CRK: variants seen among roughly 807,000 people sequenced by gnomAD.
The protein encoded by CRK is CRK proto-oncogene, adaptor protein, also known as adapter molecule crk.
Under a neutral mutation model 29.8 loss-of-function variants are expected in CRK, and 4 were observed. That is an observed-to-expected ratio of 0.13 (90% CI 0.07 to 0.31). The LOEUF (loss-of-function observed/expected upper bound fraction) is 0.31, where lower values mean the gene tolerates loss of function less well. Among genes scored for constraint, CRK ranks in the 10% least tolerant of loss-of-function variants. The pLI is 1.00. For synonymous variants in CRK, 153 were observed against 164.9 expected (o/e 0.93, Z 0.55); for missense variants, 274 against 396.5 (o/e 0.69, Z 2.62).
rs943746895 is a variant in CRK at position 1,421,475 on chromosome 17, A to C, written c.*2038T>G. ...TGTAGTATTACAAATGTGTTCATTC[A>C]ACACTAATGAGCACCCACTCTGTGC... On this transcript the variant is annotated 3_prime_UTR_variant, in exon 3 of 3. Coordinates refer to ENST00000300574, the MANE Select transcript of CRK (RefSeq NM_016823.4). 4.6e-5 allele frequency: 7 copies of C among 152,374 alleles called. No individual in the cohort carries two copies. In the South Asian group the frequency reaches 1.4e-3, roughly 32 times the overall value. 9.4% of individuals were successfully genotyped at this position (152,374 alleles called of 1,614,324 possible).
intron 2 of CRK, among the ~76,000 whole-genome samples, chr17:1,427,689 A>G (rs2073794560): frequency 6.7e-6 from 1 of 149,506 alleles, no homozygotes; most frequent in South Asian, 2.1e-4. Context: ...GAGTGCAGTG[A>G]CGCTATCTTG....
intron 1 of CRK, among the ~76,000 whole-genome samples, chr17:1,447,880 G>A (rs1369316708): frequency 2.6e-5 from 4 of 151,872 alleles, no homozygotes; most frequent in Non-Finnish European, 4.4e-5. Context: ...GCCTCCCAAA[G>A]TGCTGGGATT....
intron 2 of CRK, among the ~76,000 whole-genome samples, chr17:1,428,466 G>A (rs1340835387): frequency 3.4e-5 from 5 of 148,778 alleles, no homozygotes; most frequent in African/African-American, 7.4e-5. Context: ...TATGAGGCAA[G>A]ATGTTATTGG....
intron 2 of CRK, 134 bp downstream of exon 2, chr17:1,436,486 G>GC: frequency 2.2e-6 from 2 of 917,094 alleles, no homozygotes; most frequent in South Asian, 4.8e-5. Flanking sequence ...AACATTCAAT[G>GC]CCAACATCAG....
chr17:1,442,729 C>T (rs1166270597), intron 1 of CRK, among the ~76,000 whole-genome samples: 1 of 150,468 alleles, frequency 6.6e-6, no homozygotes, highest in Non-Finnish European at 1.5e-5. Flanking sequence ...TGCCTCAGCG[C>T]CCCAAGTAGC....
chr17:1,447,418 C>T (rs117340738), intron 1 of CRK, among the ~76,000 whole-genome samples: 309 of 152,154 alleles, frequency 2.0e-3, no homozygotes, highest in Middle Eastern at 6.8e-3. Flanking sequence ...ACCTGCTCAG[C>T]CCGTTACTTC....
chr17:1,426,852 A>T (rs112825308), intron 2 of CRK, among the ~76,000 whole-genome samples: 2 of 150,854 alleles, frequency 1.3e-5, no homozygotes, highest in Non-Finnish European at 3.0e-5. Context: ...ACAGAGTTAC[A>T]CTGTCTCAAA....
At chr17:1,450,004 G>C (rs987682739) in intron 1 of CRK, among the ~76,000 whole-genome samples, 2 of 152,058 alleles carry the variant, frequency 1.3e-5, no homozygotes, top group South Asian at 4.1e-4. Context: ...ATCGAGACCA[G>C]CCTGGCCAAC....
In CRK at chr17:1,421,608, C is replaced by A. The variant is rs770421427; in HGVS notation, c.*1905G>T. The A allele has an allele frequency of 1.3e-5, 2 of 152,144 alleles. No homozygotes were observed. Among genetic ancestry groups the A allele is most frequent in the Non-Finnish European group, 2.9e-5 (2 of 68,038 alleles). 9.4% of individuals were successfully genotyped at this position (152,144 alleles called of 1,614,324 possible). On this transcript the variant is annotated 3_prime_UTR_variant, in exon 3 of 3. Coordinates refer to ENST00000300574, the MANE Select transcript of CRK (RefSeq NM_016823.4). ...TAGCGTCAACGCGTTAGTCTGCTTG[C>A]GGCCATGTACGGAATCCTGGGCCAG...
chr17:1,430,617 G>A lies in CRK; in HGVS notation c.777+6003C>T, dbSNP rs1230071659. On this transcript the variant is annotated intron_variant, in intron 2 of 2. Transcript: ENST00000300574. The stretch of plus-strand genomic sequence containing the variant: ...CCTGACCTCGTGATCCGCCCGCCTT[G>A]GCCTCCCAAAGTGCTGGGATTACAG... 3.4e-5 allele frequency among the ~76,000 whole-genome samples: 5 copies of A among 149,192 alleles called. No homozygotes were observed. In the East Asian group the frequency reaches 8.1e-4, roughly 24 times the overall value.
At chr17:1,443,171 G>C (rs983316681) in intron 1 of CRK, among the ~76,000 whole-genome samples, 5 of 149,162 alleles carry the variant, frequency 3.4e-5, no homozygotes, top group African/African-American at 1.2e-4. Flanking sequence ...GTAGAGATGG[G>C]GGTTTCACCA....
intron 1 of CRK, among the ~76,000 whole-genome samples, chr17:1,455,392 T>C (rs1316091223): frequency 6.6e-6 from 1 of 152,114 alleles, no homozygotes; most frequent in East Asian, 1.9e-4. Flanking sequence ...TCCCGGCCAG[T>C]ATGTGGTGAC....
Position 1,456,152 on chromosome 17 carries a change from GC to G in CRK, c.-36del. The G allele has an allele frequency of 6.9e-7, 1 of 1,444,046 alleles. No individual in the cohort carries two copies. The highest frequency in any genetic ancestry group is 9.1e-7 in the Non-Finnish European group (1 of 1,098,624). 89.5% of individuals were successfully genotyped at this position (1,444,046 alleles called of 1,614,324 possible). On this transcript the variant is annotated 5_prime_UTR_variant, in exon 1 of 3. Transcript: ENST00000300574. ...CGCGCCTAAACGCTGGGGTGCCGCC[GC>G]CGCGCGCGCCCCTCCGGCCCCCGGC...
In CRK at chr17:1,421,817, T is replaced by A. The variant is rs1391897889; in HGVS notation, c.*1696A>T. 6.6e-6 allele frequency: 1 copy of A among 152,184 alleles called. No individual in the cohort carries two copies. Among genetic ancestry groups the A allele is most frequent in the Non-Finnish European group, 1.5e-5 (1 of 68,040 alleles). The allele number at this position is 152,184 out of a possible 1,614,324, so 9.4% of individuals were successfully genotyped here. ...GAACAATTAGAAAGGCAGATTATTT[T>A]TCCAAAATGAGGTCCAAAGCAAACT... On this transcript the variant is annotated 3_prime_UTR_variant, in exon 3 of 3. Coordinates refer to ENST00000300574, the MANE Select transcript of CRK (RefSeq NM_016823.4).
chr17:1,455,799 C>T (rs2074051627), intron 1 of CRK, 78 bp downstream of exon 1: 3 of 1,406,134 alleles, frequency 2.1e-6, no homozygotes, highest in Admixed American at 3.1e-5. Context: ...AGGGTCCGCT[C>T]TCGAGGACCA....
At chr17:1,439,299 G>T (rs568699416) in intron 1 of CRK, among the ~76,000 whole-genome samples, 2 of 151,998 alleles carry the variant, frequency 1.3e-5, no homozygotes, top group Non-Finnish European at 2.9e-5. Context: ...GGGTTTTACC[G>T]TGTTAGCCAG....
chr17:1,442,383 C>G (rs1202162602), intron 1 of CRK, among the ~76,000 whole-genome samples: 1 of 151,986 alleles, frequency 6.6e-6, no homozygotes, highest in Non-Finnish European at 1.5e-5. Flanking sequence ...AACTCCTGGG[C>G]TCAAGTGATC....
At position 1,455,962 on chromosome 17, in the gene CRK, T is replaced by C; in HGVS notation, c.156A>G (p.Ser52=). 1 of 1,602,586 alleles carries C rather than the reference T, an allele frequency of 6.2e-7. No homozygotes were observed. The highest frequency in any genetic ancestry group is 1.1e-5 in the South Asian group (1 of 89,742). ...TGTAGTGGGAGACGCGCGAGTTCTC[T>C]GAGACGCTGAGCACATAGTCCCCGG... ...TSPGDYVLSV[S]ENSRVSHYII... Residue 52 remains serine (S), a synonymous_variant, in exon 1 of 3, where the codon TCA becomes TCG. Coordinates refer to ENST00000300574, the MANE Select transcript of CRK (RefSeq NM_016823.4).
In CRK at chr17:1,423,178, T is replaced by A. The variant is rs1256651070; in HGVS notation, c.*335A>T. 1 of 491,226 alleles carries A rather than the reference T, an allele frequency of 2.0e-6. No homozygotes were observed. Among genetic ancestry groups the A allele is most frequent in the Non-Finnish European group, 3.6e-6 (1 of 280,046 alleles). The allele number at this position is 491,226 out of a possible 1,614,324, so 30.4% of individuals were successfully genotyped here. A position where few individuals can be genotyped will look rare whatever the true frequency, so the allele number is the denominator to read the frequency against. ...TGAATAAATCAGGGTAAGCAGTGTG[T>A]AACACTCCTTCCTGTCCATCGGTTT... is the stretch of plus-strand genomic sequence containing the variant. On this transcript the variant is annotated 3_prime_UTR_variant, in exon 3 of 3. Coordinates refer to ENST00000300574, the MANE Select transcript of CRK (RefSeq NM_016823.4).
Sources: allele counts gnomAD v4.1 joint callset (sites outside exome capture counted in the v4.1 genomes callset), GRCh38; gene constraint gnomAD v4.1.1; transcripts MANE v1.5; gene names NCBI Gene and HGNC (gene_info 2026-07-23, HGNC 2026-07-21).